RYR3: variants seen among roughly 807,000 people sequenced by gnomAD.
RYR3 encodes the protein brain ryanodine receptor-calcium release channel.
A neutral mutation model predicts 584.3 loss-of-function variants in RYR3; 207 were observed. The ratio of observed to expected loss-of-function variants is 0.35; its 90% CI spans 0.32 to 0.40. RYR3 has a LOEUF of 0.40. Among genes scored for constraint, RYR3 ranks in the 10% least tolerant of loss-of-function variants. The pLI, the probability that RYR3 is intolerant of heterozygous loss-of-function variation, is 1.00. For synonymous variants in RYR3, 2,416 were observed against 2,248.5 expected, an observed-to-expected ratio of 1.07 and a Z score of -2.11; for missense variants, 5,616 against 6,089.2, an observed-to-expected ratio of 0.92 and a Z score of 2.59.
intron 1 of RYR3, among the ~76,000 whole-genome samples, chr15:33,350,446 ACAGAATATACATTTTTTT>A (rs1368036090): frequency 2.0e-5 from 3 of 151,868 alleles, no homozygotes; most frequent in African/African-American, 4.8e-5. Flanking sequence ...CCCCAAATCA[ACAGAATATACATTTTTTT>A]CAGCACCACA....
intron 92 of RYR3, among the ~76,000 whole-genome samples, chr15:33,843,865 C>A (rs2303870): frequency 6.6e-6 from 1 of 152,142 alleles, no homozygotes; most frequent in African/African-American, 2.4e-5. Context: ...GTATTAGGAA[C>A]AACAAGGTAT....
chr15:33,862,151 T>C (rs370402213), intron 102 of RYR3, among the ~76,000 whole-genome samples: 1 of 152,136 alleles, frequency 6.6e-6, no homozygotes, highest in Non-Finnish European at 1.5e-5. Context: ...AAAAATAAAA[T>C]GCTGGGCTCT....
chr15:33,701,032 G>C lies in RYR3; in HGVS notation c.6435G>C (p.Met2145Ile), dbSNP rs541189878. The C allele has an allele frequency of 2.4e-5, 38 of 1,613,534 alleles. 1 individual carries two copies. The Admixed American group carries it at 3.3e-4, about 14-fold the overall frequency. Residue 2145 changes from methionine to isoleucine, a missense_variant, in exon 42 of 104, where the codon ATG becomes ATC. Transcript: ENST00000634891. ...TGGATGTGGCAGCTTCCTCTGTGAT[G>C]GACAACAATGAGTTAGCGCTGAGCT... is the stretch of plus-strand genomic sequence containing the variant. Reference protein sequence around the residue: ...TPLDVAASSVMDNNELALSLE... With the variant: ...TPLDVAASSVIDNNELALSLE...
intron 60 of RYR3, among the ~76,000 whole-genome samples, chr15:33,767,325 A>AG (rs2073165501): frequency 6.6e-6 from 1 of 151,724 alleles, no homozygotes; most frequent in Non-Finnish European, 1.5e-5. Context: ...TCTGAAAAAA[A>AG]AACCATGGGA....
chr15:33,443,534 A>C (rs2046392376), intron 1 of RYR3, among the ~76,000 whole-genome samples: 1 of 152,160 alleles, frequency 6.6e-6, no homozygotes, highest in South Asian at 2.1e-4. Flanking sequence ...CACCCGAGAA[A>C]TTAGAAAACA....
chr15:33,496,225 C>T (rs576965943), intron 2 of RYR3, among the ~76,000 whole-genome samples: 7 of 152,188 alleles, frequency 4.6e-5, no homozygotes, highest in Non-Finnish European at 7.3e-5. Context: ...TGTGGTGTCA[C>T]GGAGCAAATG....
intron 41 of RYR3, among the ~76,000 whole-genome samples, chr15:33,700,224 C>T (rs1301596891): frequency 6.6e-6 from 1 of 152,188 alleles, no homozygotes; most frequent in Admixed American, 6.5e-5. Context: ...GATCGGATCT[C>T]GTCTTGGCAG....
rs1360069428 is a variant in RYR3, at chr15:33,816,935, G to A, written c.10576G>A (p.Glu3526Lys). The A allele has an allele frequency of 1.2e-6, 2 of 1,609,334 alleles. No homozygotes were observed. Among genetic ancestry groups the A allele is most frequent in the South Asian group, 1.1e-5 (1 of 90,054 alleles). ...AGAAACAGAGGAGTATTCCTTTGAAGAGAAACTAGTACAGGATTTGGCTGT... is the reference window on the plus strand; with the variant it reads ...AGAAACAGAGGAGTATTCCTTTGAAAAGAAACTAGTACAGGATTTGGCTGT... ...WIETEEYSFE[E>K]KLVQDLAKSP... Residue 3526 changes from glutamate (E) to lysine (K), a missense_variant, in exon 75 of 104, where the codon GAG (glutamate) becomes AAG (lysine). By Grantham distance (56) the Glu-to-Lys change is moderately conservative (BLOSUM62 1). Coordinates refer to ENST00000634891, the MANE Select transcript of RYR3 (RefSeq NM_001036.6).
intron 1 of RYR3, among the ~76,000 whole-genome samples, chr15:33,339,118 A>G (rs1036483974): frequency 1.3e-5 from 2 of 152,212 alleles, no homozygotes; most frequent in Non-Finnish European, 2.9e-5. Context: ...CACAAAGGAA[A>G]AAGCGGACAT....
chr15:33,582,399 C>T (rs990331774), intron 14 of RYR3, among the ~76,000 whole-genome samples: 5 of 152,164 alleles, frequency 3.3e-5, no homozygotes, highest in Admixed American at 2.6e-4. Context: ...CAGTCCGGAC[C>T]TATTCCCCAG....
intron 47 of RYR3, among the ~76,000 whole-genome samples, chr15:33,731,261 T>C (rs1223509261): frequency 1.3e-5 from 2 of 151,950 alleles, no homozygotes; most frequent in Admixed American, 6.6e-5. Context: ...TTGTGTGTTT[T>C]TTTTTTGTTC....
intron 1 of RYR3, among the ~76,000 whole-genome samples, chr15:33,459,210 G>A (rs1364727128): frequency 3.3e-5 from 5 of 152,196 alleles, no homozygotes; most frequent in African/African-American, 7.2e-5. Flanking sequence ...TGAGCCCCAC[G>A]GCTTCATAGC....
rs753601941 is a variant in RYR3, at chr15:33,662,557, G to A, written c.5027G>A (p.Gly1676Asp). The A allele has an allele frequency of 6.2e-7, 1 of 1,613,898 alleles. No individual in the cohort carries two copies. The highest frequency in any genetic ancestry group is 1.3e-5 in the African/African-American group (1 of 74,926). The change falls in exon 35 of 104, where the codon GGT becomes GAT. Residue 1676 changes from glycine to aspartate, a missense_variant. Around this residue, in one of 9 missense-constraint regions of RYR3, gnomAD observed 753 missense variants for 741.0 expected, o/e 1.02. Transcript: ENST00000634891. ...TCCACCCCTTGCTTTGTTGTGACTG[G>A]TGAGGATCACCAAAAGCAGAGCCCC... Reference protein sequence around the residue: ...RFSTPCFVVTGEDHQKQSPEI... With the variant: ...RFSTPCFVVTDEDHQKQSPEI...
chr15:33,399,532 C>T (rs1595974340), intron 1 of RYR3, among the ~76,000 whole-genome samples: 1 of 152,036 alleles, frequency 6.6e-6, no homozygotes, highest in East Asian at 1.9e-4. Context: ...CAGCTACTCG[C>T]GAGGCTGAGG....
chr15:33,377,864 G>A (rs1428994216), intron 1 of RYR3, among the ~76,000 whole-genome samples: 1 of 75,868 alleles, frequency 1.3e-5, no homozygotes, highest in African/African-American at 6.7e-5. Flanking sequence ...TGCCATCATG[G>A]CTCACTCCCA....
At chr15:33,514,629 C>T (rs1192669654) in intron 3 of RYR3, among the ~76,000 whole-genome samples, 2 of 150,166 alleles carry the variant, frequency 1.3e-5, no homozygotes, top group African/African-American at 4.9e-5. Flanking sequence ...TTTTTTTACA[C>T]CTTATATCTT....
chr15:33,593,135 A>T (rs921343137), intron 16 of RYR3, among the ~76,000 whole-genome samples: 4 of 152,266 alleles, frequency 2.6e-5, no homozygotes, highest in African/African-American at 9.6e-5. Flanking sequence ...ATATGCATCT[A>T]TCTCAGTGAG....
chr15:33,659,842 A>T (rs2063042320), intron 33 of RYR3, 36 bp downstream of exon 33: 2 of 1,385,682 alleles, frequency 1.4e-6, no homozygotes, highest in East Asian at 4.6e-5. Flanking sequence ...GGCCATGACA[A>T]GAGAAAGCAG....
chr15:33,646,043 C>G (rs181208065), intron 28 of RYR3, among the ~76,000 whole-genome samples: 102 of 152,352 alleles, frequency 6.7e-4, no homozygotes, highest in Middle Eastern at 3.4e-3. Flanking sequence ...AGGTTAGCCT[C>G]TGTGAACACT....
Sources: gnomAD v4.1 joint callset for allele counts (sites outside exome capture counted in the v4.1 genomes callset) on GRCh38, gnomAD v4.1.1 for gene constraint, gnomAD v4.1.1 regional missense constraint, MANE v1.5 for transcripts, NCBI Gene and HGNC (gene_info 2026-07-23, HGNC 2026-07-21) for gene names.